Variants in CTNNA1 observed in about 807,000 individuals in gnomAD.
The protein encoded by CTNNA1 is catenin alpha 1.
In CTNNA1, 37 loss-of-function variants were observed where a neutral mutation model predicts 98.4. The observed-to-expected ratio is 0.38, with a 90% confidence interval of 0.29 to 0.49. The LOEUF is 0.49. Among genes scored for constraint, CTNNA1 ranks in the 20% least tolerant of loss-of-function variants. The pLI, the probability that CTNNA1 is intolerant of heterozygous loss-of-function variation, is 0.95. For missense variants in CTNNA1, 761 were observed against 1,147.2 expected (o/e 0.66, Z 4.86); for synonymous variants, 404 against 413.2 (o/e 0.98, Z 0.27).
chr5:138,814,822 C>T (rs916776113), intron 5 of CTNNA1, among the ~76,000 whole-genome samples: 2 of 152,008 alleles, frequency 1.3e-5, no homozygotes, highest in East Asian at 1.9e-4. Context: ...GGTGCGATCT[C>T]GGCTCACTGC....
At chr5:138,765,083 C>T (rs1752782592) in intron 1 of CTNNA1, among the ~76,000 whole-genome samples, 2 of 151,824 alleles carry the variant, frequency 1.3e-5, no homozygotes, top group African/African-American at 4.8e-5. Flanking sequence ...CTCTGTCCCC[C>T]AGATTGGAGT....
At chr5:138,824,223 C>A (rs1760405134) in intron 5 of CTNNA1, among the ~76,000 whole-genome samples, 2 of 152,114 alleles carry the variant, frequency 1.3e-5, no homozygotes, top group Admixed American at 1.3e-4. Flanking sequence ...GGTACTGTTA[C>A]TGCTCTTCTT....
chr5:138,824,443 A>T, intron 5 of CTNNA1, 87 bp from the exon 6 acceptor site: 1 of 1,406,134 alleles, frequency 7.1e-7, no homozygotes, highest in Non-Finnish European at 9.7e-7. Flanking sequence ...TAGAAATTCT[A>T]ACTTTTCAGC....
chr5:138,866,142 T>C lies in CTNNA1; in HGVS notation c.1063-20070T>C, dbSNP rs968119032. On this transcript the variant is annotated intron_variant, in intron 7 of 17. Coordinates refer to ENST00000302763, the MANE Select transcript of CTNNA1 (RefSeq NM_001903.5). ...CTGGGCAACACATGGTGAAACTCTG[T>C]CTCTACCAAAAATGCAAAAATTAGC... Among the ~76,000 whole-genome samples, 22 of 152,136 alleles carry C rather than the reference T, an allele frequency of 1.4e-4. 1 individual carries two copies. The highest frequency in any genetic ancestry group is 3.9e-4 in the African/African-American group (16 of 41,438).
At chr5:138,902,982 CTG>C (rs760396087) in intron 9 of CTNNA1, among the ~76,000 whole-genome samples, 2 of 151,952 alleles carry the variant, frequency 1.3e-5, no homozygotes, top group Admixed American at 6.6e-5. Context: ...CCAGTCATCT[CTG>C]TAGATTTGTC....
At chr5:138,859,990 G>A (rs1450312166) in intron 7 of CTNNA1, among the ~76,000 whole-genome samples, 2 of 152,112 alleles carry the variant, frequency 1.3e-5, no homozygotes, top group East Asian at 1.9e-4. Flanking sequence ...AACTGAGGGC[G>A]GGGTGTGGTG....
intron 4 of CTNNA1, among the ~76,000 whole-genome samples, chr5:138,811,253 C>T (rs1314356330): frequency 7.0e-6 from 1 of 143,714 alleles, no homozygotes; most frequent in South Asian, 2.3e-4. Context: ...CGCGGCCGGG[C>T]AGAGGCGCTC....
At chr5:138,805,160 C>T (rs1757958227) in intron 3 of CTNNA1, among the ~76,000 whole-genome samples, 1 of 152,174 alleles carries the variant, frequency 6.6e-6, no homozygotes, top group Admixed American at 6.5e-5. Flanking sequence ...GGTACTAACC[C>T]ATTCATGAGA....
intron 10 of CTNNA1, among the ~76,000 whole-genome samples, chr5:138,911,829 C>T (rs1760695137): frequency 1.3e-5 from 2 of 152,124 alleles, no homozygotes; most frequent in South Asian, 4.2e-4. Context: ...ATATGGTGAG[C>T]ACTGGTTAGA....
At chr5:138,812,374 G>T in intron 5 of CTNNA1, 72 bp downstream of exon 5, 1 of 1,529,872 alleles carries the variant, frequency 6.5e-7, no homozygotes, top group Non-Finnish European at 8.8e-7. Flanking sequence ...CATTCTGTGT[G>T]TTTTCTGAAA....
At position 138,930,424 on chromosome 5, in the gene CTNNA1, G is replaced by A. The variant is rs202041742; in HGVS notation, c.2011-49G>A. 2.4e-4 allele frequency: 341 copies of A among 1,423,022 alleles called. 5 individuals are homozygous for A. In the Admixed American group the frequency reaches 5.7e-3, roughly 24 times the overall value. The allele number at this position is 1,423,022 out of a possible 1,614,324, so 88.1% of individuals were successfully genotyped here. On this transcript the variant is annotated intron_variant, in intron 14 of 17. Coordinates refer to ENST00000302763, the MANE Select transcript of CTNNA1 (RefSeq NM_001903.5). ...AATATTCTTGGCTAATGCACTCTGA[G>A]AACTTCATATTCTTTTTATGTAAGA...
chr5:138,803,036 C>G (rs1414980924), intron 3 of CTNNA1, among the ~76,000 whole-genome samples: 1 of 152,000 alleles, frequency 6.6e-6, no homozygotes, highest in East Asian at 1.9e-4. Context: ...TCCCTGGGCT[C>G]AAGTGATCCT....
chr5:138,824,798 AC>A lies in CTNNA1; in HGVS notation c.858del (p.Asp286GlufsTer9), dbSNP rs1561564917. 6.2e-7 allele frequency: 1 copy of A among 1,610,176 alleles called. No homozygotes were observed. Among genetic ancestry groups the A allele is most frequent in the Non-Finnish European group, 8.5e-7 (1 of 1,176,588 alleles). On this transcript the variant is annotated frameshift_variant and splice_region_variant, in exon 6 of 18. Coordinates refer to ENST00000302763, the MANE Select transcript of CTNNA1 (RefSeq NM_001903.5). LOFTEE classifies it high-confidence loss of function. ...GELAYALNNF[D>X]KQIIVDPLSF... is the part of the protein sequence containing the mutation. ...CTGGCATATGCACTCAATAACTTTGACGTAAGTTATGCTTGGGTGGAAATTT... is the reference window on the plus strand; with the variant it reads ...CTGGCATATGCACTCAATAACTTTGAGTAAGTTATGCTTGGGTGGAAATTT...
intron 10 of CTNNA1, among the ~76,000 whole-genome samples, chr5:138,906,990 C>A (rs1386203377): frequency 6.6e-6 from 1 of 152,068 alleles, no homozygotes; most frequent in Non-Finnish European, 1.5e-5. Context: ...ATTGCCAGAT[C>A]CCTTCCTCCT....
intron 1 of CTNNA1, among the ~76,000 whole-genome samples, chr5:138,777,236 G>A (rs2149630813): frequency 1.3e-5 from 2 of 151,818 alleles, no homozygotes; most frequent in South Asian, 4.2e-4. Flanking sequence ...CGGGGCAGAG[G>A]CGCTCCCCAC....
At chr5:138,899,795 C>T (rs1294387318) in intron 9 of CTNNA1, among the ~76,000 whole-genome samples, 1 of 152,170 alleles carries the variant, frequency 6.6e-6, no homozygotes, top group Non-Finnish European at 1.5e-5. Flanking sequence ...TTTTCACCTG[C>T]CTAGCTCTGC....
intron 1 of CTNNA1, among the ~76,000 whole-genome samples, chr5:138,776,798 G>A (rs1580940526): frequency 7.0e-6 from 1 of 142,284 alleles, no homozygotes; most frequent in South Asian, 2.2e-4. Flanking sequence ...GCCAGGCGGG[G>A]GGCTGACCCC....
intron 14 of CTNNA1, 98 bp downstream of exon 14, chr5:138,929,454 G>A (rs987070029): frequency 2.1e-5 from 14 of 661,512 alleles, no homozygotes; most frequent in South Asian, 3.5e-5. Context: ...TCAGAACACC[G>A]TTTCTCTCTC....
intron 10 of CTNNA1, among the ~76,000 whole-genome samples, chr5:138,916,985 G>A (rs1373570669): frequency 6.6e-6 from 1 of 151,968 alleles, no homozygotes; most frequent in African/African-American, 2.4e-5. Context: ...TGTTGGTCAG[G>A]CTGGTCTCGA....
Sources: allele counts gnomAD v4.1 joint callset (sites outside exome capture counted in the v4.1 genomes callset), GRCh38; gene constraint gnomAD v4.1.1; transcripts MANE v1.5; gene names NCBI Gene and HGNC (gene_info 2026-07-23, HGNC 2026-07-21).